CNKSR3: variants seen among roughly 807,000 people sequenced by gnomAD.
CNKSR3 encodes CNKSR family member 3, also known as connector enhancer of kinase suppressor of ras 3.
CNKSR3 carries 36 observed loss-of-function variants against 67.7 expected under a neutral mutation model. The observed-to-expected ratio is 0.53, with a 90% confidence interval of 0.41 to 0.70. CNKSR3 has a LOEUF of 0.70. Among genes scored for constraint, CNKSR3 ranks in the 30% least tolerant of loss-of-function variants. The pLI is 0.00. For missense variants in CNKSR3, 630 were observed against 695.2 expected (o/e 0.91, Z 1.05); for synonymous variants, 281 against 271.4 (o/e 1.04, Z -0.35).
chr6:154,506,445 G>A (rs962664180), intron 1 of CNKSR3, among the ~76,000 whole-genome samples: 1 of 152,216 alleles, frequency 6.6e-6, no homozygotes, highest in African/African-American at 2.4e-5. Context: ...CACCTGAGAT[G>A]TAAACCAGGT....
Position 154,408,633 on chromosome 6 carries a change from G to C in CNKSR3, c.1369+1710C>G, listed in dbSNP as rs1329385229. ...GCCTGTCAGGGGCTGAAGAAGGACG[G>C]AATTGGGAGTGACTGCTAAAAGGCA... On this transcript the variant is annotated intron_variant, in intron 12 of 12. Transcript: ENST00000607772. Among the ~76,000 whole-genome samples, 4 of 152,312 alleles carry C rather than the reference G, an allele frequency of 2.6e-5. No homozygotes were observed. In the East Asian group the frequency reaches 5.8e-4, roughly 22 times the overall value.
chr6:154,480,425 T>TG (rs980761764), intron 1 of CNKSR3, among the ~76,000 whole-genome samples: 2 of 152,154 alleles, frequency 1.3e-5, no homozygotes, highest in African/African-American at 2.4e-5. Flanking sequence ...CTACAGCAGG[T>TG]GGGGCACCTG....
At chr6:154,503,763 T>C (rs543876515) in intron 1 of CNKSR3, among the ~76,000 whole-genome samples, 15 of 152,206 alleles carry the variant, frequency 9.9e-5, no homozygotes, top group Non-Finnish European at 2.2e-4. Context: ...CTTATAAATA[T>C]AAGCACACAC....
chr6:154,445,097 T>G (rs1693216782), intron 2 of CNKSR3, among the ~76,000 whole-genome samples: 1 of 152,108 alleles, frequency 6.6e-6, no homozygotes. Flanking sequence ...ATTCTAATTT[T>G]AAATAGATTT....
Position 154,411,002 on chromosome 6 carries a change from T to C in CNKSR3, c.1211A>G (p.Gln404Arg). The C allele has an allele frequency of 1.2e-6, 2 of 1,614,168 alleles. No homozygotes were observed. The highest frequency in any genetic ancestry group is 1.7e-6 in the Non-Finnish European group (2 of 1,180,030). ...GGTTTCCACCGAGTACCCAGGCAAC[T>C]GATCCGAGTCTGCAATGGTGAATCT... ...RRRFTIADSD[Q>R]LPGYSVETNI... The change falls in exon 11 of 13, where the codon CAG (glutamine) becomes CGG (arginine). Residue 404 changes from glutamine (Q) to arginine (R), a missense_variant. This residue lies in a region of CNKSR3 where 308 missense variants were observed against 299.6 expected (regional missense o/e 1.03). Coordinates refer to ENST00000607772, the MANE Select transcript of CNKSR3 (RefSeq NM_173515.4).
chr6:154,421,352 T>A (rs1379795087), intron 9 of CNKSR3, among the ~76,000 whole-genome samples: 2 of 152,222 alleles, frequency 1.3e-5, no homozygotes. Context: ...CTGTGACACC[T>A]ACAATGTCTC....
rs73574922 is a variant in CNKSR3, at chr6:154,433,432, G to A, written c.549+34C>T. 7.2e-3 allele frequency: 10,452 copies of A among 1,458,202 alleles called. 652 individuals carry two copies. The African/African-American group carries it at 0.13, about 18-fold the overall frequency. The allele number at this position is 1,458,202 out of a possible 1,614,324, so 90.3% of individuals were successfully genotyped here. A position where few individuals can be genotyped will look rare whatever the true frequency, so the allele number is the denominator to read the frequency against. On this transcript the variant is annotated intron_variant, in intron 5 of 12. Coordinates refer to ENST00000607772, the MANE Select transcript of CNKSR3 (RefSeq NM_173515.4). The stretch of plus-strand genomic sequence containing the variant: ...GTGATTCCCACTGCCTTTGGAAAAT[G>A]AATTTTACAATAACTTTTAGAATGT...
intron 9 of CNKSR3, among the ~76,000 whole-genome samples, chr6:154,419,818 G>T (rs1044392139): frequency 5.9e-5 from 9 of 152,134 alleles, no homozygotes; most frequent in African/African-American, 1.7e-4. Context: ...GGTGGCTCAC[G>T]CCTGTAATCC....
At position 154,430,644 on chromosome 6, in the gene CNKSR3, T is replaced by A. The variant is rs1785347041; in HGVS notation, c.550-53A>T. On this transcript the variant is annotated intron_variant, in intron 5 of 12. Transcript: ENST00000607772. Reference sequence around the variant, plus strand: ...AAAGTTCAATCATTAACCAAGTTTATCTCAAGCTGATTTTTAGAGAAATGC... The same window carrying A: ...AAAGTTCAATCATTAACCAAGTTTAACTCAAGCTGATTTTTAGAGAAATGC... The A allele has an allele frequency of 1.9e-6, 3 of 1,542,996 alleles. No homozygotes were observed. The South Asian group carries it at 3.6e-5, about 19-fold the overall frequency.
chr6:154,499,039 T>C (rs922897149), intron 1 of CNKSR3, among the ~76,000 whole-genome samples: 5 of 152,182 alleles, frequency 3.3e-5, no homozygotes, highest in Non-Finnish European at 7.3e-5. Context: ...CCCTTCTGTG[T>C]GTTCCTGGGC....
At chr6:154,507,554 T>C (rs577744569) in intron 1 of CNKSR3, among the ~76,000 whole-genome samples, 2 of 152,264 alleles carry the variant, frequency 1.3e-5, no homozygotes, top group South Asian at 2.1e-4. Context: ...TTGAGCATCA[T>C]TATTATGAGA....
At chr6:154,441,866 T>C (rs977625431) in intron 3 of CNKSR3, among the ~76,000 whole-genome samples, 1 of 152,228 alleles carries the variant, frequency 6.6e-6, no homozygotes. Context: ...TAGCACAGTT[T>C]CACTCTTCTC....
intron 1 of CNKSR3, among the ~76,000 whole-genome samples, chr6:154,508,103 G>A (rs1361454277): frequency 1.3e-5 from 2 of 152,148 alleles, no homozygotes; most frequent in Non-Finnish European, 2.9e-5. Context: ...GTGATAAGAT[G>A]TAACCCTTTC....
At chr6:154,409,265 T>C (rs561332298) in intron 12 of CNKSR3, among the ~76,000 whole-genome samples, 26 of 152,330 alleles carry the variant, frequency 1.7e-4, no homozygotes, top group Admixed American at 5.2e-4. Context: ...CTATTGTACT[T>C]TAACTTTTCA....
chr6:154,462,681 G>A (rs1362279578), intron 1 of CNKSR3, among the ~76,000 whole-genome samples: 1 of 152,142 alleles, frequency 6.6e-6, no homozygotes, highest in African/African-American at 2.4e-5. Flanking sequence ...TCCCTGTGAG[G>A]TCCCATCTAC....
chr6:154,508,508 A>G (rs1787147220), intron 1 of CNKSR3, among the ~76,000 whole-genome samples: 1 of 152,216 alleles, frequency 6.6e-6, no homozygotes, highest in Non-Finnish European at 1.5e-5. Context: ...TATGAGGGAC[A>G]TACAGATAAA....
In CNKSR3 at chr6:154,396,807, T is replaced by G. The variant is rs1006133463; in HGVS notation, c.*9547A>C. ...AAAATTCACTAATTGTTTTCTTTTT[T>G]TTTTTTTTTTGAGACGGAGTCTCGC... On this transcript the variant is annotated 3_prime_UTR_variant, in exon 13 of 13. Transcript: ENST00000607772. 1.3e-5 allele frequency: 2 copies of G among 151,774 alleles called. No homozygotes were observed. The highest frequency in any genetic ancestry group is 2.9e-5 in the Non-Finnish European group (2 of 67,918). 9.4% of individuals were successfully genotyped at this position (151,774 alleles called of 1,614,324 possible).
At chr6:154,476,686 G>A (rs571340263) in intron 1 of CNKSR3, among the ~76,000 whole-genome samples, 5 of 152,190 alleles carry the variant, frequency 3.3e-5, no homozygotes, top group African/African-American at 9.6e-5. Context: ...TACGAGTATC[G>A]GTAGGCCCTG....
intron 1 of CNKSR3, among the ~76,000 whole-genome samples, chr6:154,488,423 T>A (rs1385129683): frequency 1.3e-5 from 2 of 152,252 alleles, no homozygotes; most frequent in Non-Finnish European, 2.9e-5. Flanking sequence ...AAATGTTCCT[T>A]TTCTCCTTAA....
Sources: gnomAD v4.1 joint callset for allele counts (sites outside exome capture counted in the v4.1 genomes callset) on GRCh38, gnomAD v4.1.1 for gene constraint, gnomAD v4.1.1 regional missense constraint, MANE v1.5 for transcripts, NCBI Gene and HGNC (gene_info 2026-07-23, HGNC 2026-07-21) for gene names.